The following SIPA1L1 variants were observed in gnomAD, a reference collection of about 807,000 sequenced individuals.
SIPA1L1 encodes signal-induced proliferation-associated 1-like protein 1.
Under a neutral mutation model 162.7 loss-of-function variants are expected in SIPA1L1, and 26 were observed. The observed-to-expected ratio is 0.16, with a 90% CI of 0.12 to 0.22. SIPA1L1 has a LOEUF of 0.22. Ranked by LOEUF, SIPA1L1 falls within the 10% of genes least tolerant of loss-of-function variation. SIPA1L1 has a pLI of 1.00. For synonymous variants in SIPA1L1, 829 were observed against 837.4 expected, an observed-to-expected ratio of 0.99 and a Z score of 0.17; for missense variants, 1,874 against 2,241.0, an observed-to-expected ratio of 0.84 and a Z score of 3.31.
chr14:71,521,906 C>G (rs2052393840), intron 3 of SIPA1L1, among the ~76,000 whole-genome samples: 1 of 152,180 alleles, frequency 6.6e-6, no homozygotes, highest in Non-Finnish European at 1.5e-5. Context: ...AGTCATCTTT[C>G]ATCTGACTGT....
At chr14:71,469,495 TAAAAA>T (rs201503142) in intron 2 of SIPA1L1, among the ~76,000 whole-genome samples, 3 of 150,994 alleles carry the variant, frequency 2.0e-5, no homozygotes, top group Admixed American at 1.3e-4. Flanking sequence ...GTGCAAAAAA[TAAAAA>T]AAAATCAAAG....
chr14:71,494,523 CTTTTT>C (rs201797447), intron 2 of SIPA1L1, among the ~76,000 whole-genome samples: 2 of 126,730 alleles, frequency 1.6e-5, no homozygotes, highest in Admixed American at 7.9e-5. Flanking sequence ...CTTTTCTTTT[CTTTTT>C]TTTTTTTTTT....
intron 2 of SIPA1L1, among the ~76,000 whole-genome samples, chr14:71,429,855 A>G (rs1287427340): frequency 6.6e-6 from 1 of 152,192 alleles, no homozygotes. Context: ...TATTCATTGC[A>G]CTGTATTTTG....
intron 4 of SIPA1L1, among the ~76,000 whole-genome samples, chr14:71,537,799 T>G (rs1363358806): frequency 6.6e-6 from 1 of 152,074 alleles, no homozygotes; most frequent in East Asian, 1.9e-4. Flanking sequence ...TGGGCCAGAT[T>G]TGGGAAGAAA....
At chr14:71,633,155 A>ATGTTATGTTC (rs1555488061) in intron 7 of SIPA1L1, among the ~76,000 whole-genome samples, 140 of 126,112 alleles carry the variant, frequency 1.1e-3, no homozygotes, top group East Asian at 2.4e-3. Flanking sequence ...ATGTTATGTT[A>ATGTTATGTTC]TGTTCTGTTC....
chr14:71,525,246 G>A (rs549891928), intron 3 of SIPA1L1, among the ~76,000 whole-genome samples: 1 of 151,238 alleles, frequency 6.6e-6, no homozygotes, highest in Admixed American at 6.6e-5. Flanking sequence ...GCAGTGGTAC[G>A]ATCTCGGCTC....
chr14:71,525,877 G>A (rs1187520710), intron 3 of SIPA1L1, among the ~76,000 whole-genome samples: 3 of 152,060 alleles, frequency 2.0e-5, no homozygotes, highest in Non-Finnish European at 2.9e-5. Flanking sequence ...TAAAATGCAG[G>A]GACTTATTTC....
At chr14:71,572,903 A>G (rs2032345729) in intron 4 of SIPA1L1, among the ~76,000 whole-genome samples, 1 of 152,270 alleles carries the variant, frequency 6.6e-6, no homozygotes, top group South Asian at 2.1e-4. Context: ...TAATATACAC[A>G]CATGTGAACA....
At chr14:71,570,727 A>C (rs1478862344) in intron 4 of SIPA1L1, among the ~76,000 whole-genome samples, 2 of 152,218 alleles carry the variant, frequency 1.3e-5, no homozygotes, top group African/African-American at 4.8e-5. Flanking sequence ...AAACATAAAA[A>C]ATTAGTTTAT....
intron 2 of SIPA1L1, among the ~76,000 whole-genome samples, chr14:71,438,900 T>C (rs1290016753): frequency 6.6e-6 from 1 of 152,152 alleles, no homozygotes; most frequent in Non-Finnish European, 1.5e-5. Flanking sequence ...ACTATGGGAA[T>C]TGATGGGTGC....
At chr14:71,350,226 A>ACACAC (rs2036564315) in intron 2 of SIPA1L1, among the ~76,000 whole-genome samples, 1 of 146,812 alleles carries the variant, frequency 6.8e-6, no homozygotes, top group Non-Finnish European at 1.5e-5. Context: ...GTCTCTACTA[A>ACACAC]ACACACACAC....
intron 2 of SIPA1L1, among the ~76,000 whole-genome samples, chr14:71,486,170 T>C (rs2048742232): frequency 6.6e-6 from 1 of 152,202 alleles, no homozygotes; most frequent in Non-Finnish European, 1.5e-5. Flanking sequence ...TTTGCAACTG[T>C]TTTTTGCCAA....
At position 71,706,632 on chromosome 14, in the gene SIPA1L1, G is replaced by A. The variant is rs765422777; in HGVS notation, c.3765+1292G>A. ...TTCTGTCCTATTAAGAATAAATGAAGGCTTTATTACAGCACTTAGTAAGTT... is the reference window on the plus strand; with the variant it reads ...TTCTGTCCTATTAAGAATAAATGAAAGCTTTATTACAGCACTTAGTAAGTT... On this transcript the variant is annotated intron_variant, in intron 16 of 23. Coordinates refer to ENST00000381232, the MANE Select transcript of SIPA1L1 (RefSeq NM_001386936.1). Among the ~76,000 whole-genome samples the A allele has an allele frequency of 2.8e-4, 42 of 152,106 alleles. 1 individual carries two copies. The highest frequency in any genetic ancestry group is 5.6e-4 in the Non-Finnish European group (38 of 68,024).
At chr14:71,383,248 T>C (rs761215101) in intron 2 of SIPA1L1, among the ~76,000 whole-genome samples, 3 of 152,200 alleles carry the variant, frequency 2.0e-5, no homozygotes, top group East Asian at 3.8e-4. Flanking sequence ...GATGAAGAAA[T>C]TGAGGTTAAG....
chr14:71,635,292 C>T (rs1029403278), intron 7 of SIPA1L1, among the ~76,000 whole-genome samples: 1 of 151,746 alleles, frequency 6.6e-6, no homozygotes, highest in Non-Finnish European at 1.5e-5. Context: ...AACAAACAAA[C>T]AAACAGAAAA....
At chr14:71,366,145 T>G (rs528833718) in intron 2 of SIPA1L1, among the ~76,000 whole-genome samples, 1 of 152,218 alleles carries the variant, frequency 6.6e-6, no homozygotes, top group African/African-American at 2.4e-5. Context: ...GTAGTTAGTA[T>G]TTTTTAAAAG....
chr14:71,505,462 C>T (rs1221827485), intron 2 of SIPA1L1, among the ~76,000 whole-genome samples: 3 of 140,094 alleles, frequency 2.1e-5, no homozygotes, highest in Admixed American at 7.3e-5. Flanking sequence ...AGGTTTTTGT[C>T]TCTGTGTCAA....
chr14:71,726,322 C>G (rs1050912880), intron 19 of SIPA1L1, among the ~76,000 whole-genome samples: 2 of 152,184 alleles, frequency 1.3e-5, no homozygotes, highest in African/African-American at 4.8e-5. Flanking sequence ...AAACTTCTTT[C>G]TTTATCCATC....
At chr14:71,443,039 A>G (rs764882190) in intron 2 of SIPA1L1, among the ~76,000 whole-genome samples, 19 of 152,184 alleles carry the variant, frequency 1.2e-4, no homozygotes, top group Non-Finnish European at 2.6e-4. Flanking sequence ...GCACATTGAG[A>G]TGGTTATTGG....
Sources: gnomAD v4.1 joint callset for allele counts (sites outside exome capture counted in the v4.1 genomes callset) on GRCh38, gnomAD v4.1.1 for gene constraint, MANE v1.5 for transcripts, NCBI Gene and HGNC (gene_info 2026-07-23, HGNC 2026-07-21) for gene names.